The following ZNF385D variants were observed in gnomAD, a reference collection of about 807,000 sequenced individuals.
ZNF385D encodes zinc finger protein 385D.
A neutral mutation model predicts 35.8 loss-of-function variants in ZNF385D; 15 were observed. The ratio of observed to expected loss-of-function variants is 0.42; its 90% CI spans 0.28 to 0.64. ZNF385D has a LOEUF of 0.64. ZNF385D is among the 30% of genes least tolerant of loss of function. The pLI is 0.23. For missense variants in ZNF385D, 474 were observed against 494.6 expected, an observed-to-expected ratio of 0.96 and a Z score of 0.39; for synonymous variants, 212 against 186.8, an observed-to-expected ratio of 1.13 and a Z score of -1.10.
intron 3 of ZNF385D, among the ~76,000 whole-genome samples, chr3:21,927,249 C>A (rs891848882): frequency 6.6e-6 from 1 of 151,756 alleles, no homozygotes; most frequent in Non-Finnish European, 1.5e-5. Context: ...GTATAGCTTG[C>A]AGAACCATGA....
intron 3 of ZNF385D, among the ~76,000 whole-genome samples, chr3:21,835,375 T>G (rs576685008): frequency 6.6e-6 from 1 of 151,822 alleles, no homozygotes. Context: ...TTAGGATGAG[T>G]TTTCCCTCCA....
intron 3 of ZNF385D, among the ~76,000 whole-genome samples, chr3:22,063,953 T>C (rs972721870): frequency 3.3e-5 from 5 of 152,206 alleles, no homozygotes; most frequent in Non-Finnish European, 5.9e-5. Flanking sequence ...AACCCACAGT[T>C]ATTAATCCTG....
At chr3:21,575,276 G>A (rs1287698261) in intron 2 of ZNF385D, among the ~76,000 whole-genome samples, 1 of 152,148 alleles carries the variant, frequency 6.6e-6, no homozygotes, top group Non-Finnish European at 1.5e-5. Flanking sequence ...GTGCAGGGTG[G>A]AGGTGGGAGG....
Position 22,193,218 on chromosome 3 carries a change from C to A in ZNF385D, c.107-24183G>T, listed in dbSNP as rs547445296. ...TTTGACACCTTCCTTCCATATTTCC[C>A]CTCCAGGCAGAATAAACTCTTTCAC... On this transcript the variant is annotated intron_variant, in intron 2 of 5. Transcript: ENST00000494108. Among the ~76,000 whole-genome samples the A allele has an allele frequency of 2.6e-5, 4 of 152,170 alleles. No homozygotes were observed. The South Asian group carries it at 6.2e-4, about 24-fold the overall frequency.
intron 3 of ZNF385D, among the ~76,000 whole-genome samples, chr3:22,088,511 G>T (rs2125596764): frequency 6.6e-6 from 1 of 152,230 alleles, no homozygotes; most frequent in Admixed American, 6.5e-5. Flanking sequence ...CTCCCAGTTT[G>T]CAATCATCTG....
intron 2 of ZNF385D, among the ~76,000 whole-genome samples, chr3:22,358,538 G>A (rs939722834): frequency 3.3e-5 from 5 of 151,766 alleles, no homozygotes; most frequent in Non-Finnish European, 7.4e-5. Context: ...TTGATGAAAT[G>A]TTTAGGCAGC....
chr3:21,870,637 T>C (rs1697638968), intron 3 of ZNF385D, among the ~76,000 whole-genome samples: 1 of 152,266 alleles, frequency 6.6e-6, no homozygotes, highest in African/African-American at 2.4e-5. Context: ...GCAAACCTTG[T>C]ATTCAAATGG....
intron 3 of ZNF385D, among the ~76,000 whole-genome samples, chr3:21,775,716 C>T (rs762282875): frequency 5.3e-5 from 8 of 151,694 alleles, no homozygotes; most frequent in South Asian, 2.1e-4. Flanking sequence ...ACAAAGTATT[C>T]GATGACAGGA....
intron 3 of ZNF385D, among the ~76,000 whole-genome samples, chr3:22,037,317 C>G (rs1698388747): frequency 6.8e-6 from 1 of 147,240 alleles, no homozygotes; most frequent in Admixed American, 7.0e-5. Flanking sequence ...AACTAGTTTA[C>G]AGTCCCACCA....
intron 2 of ZNF385D, among the ~76,000 whole-genome samples, chr3:22,280,090 T>C (rs1701659185): frequency 6.6e-6 from 1 of 152,090 alleles, no homozygotes; most frequent in Non-Finnish European, 1.5e-5. Flanking sequence ...CTTTTGTGAA[T>C]TGTCTATTCA....
chr3:22,316,928 G>A (rs543722630), intron 2 of ZNF385D, among the ~76,000 whole-genome samples: 1 of 151,934 alleles, frequency 6.6e-6, no homozygotes, highest in African/African-American at 2.4e-5. Flanking sequence ...CCAAGTGCAG[G>A]AAGGGGCTCA....
intron 4 of ZNF385D, among the ~76,000 whole-genome samples, chr3:21,450,150 G>A (rs364592): frequency 0.94 from 142,956 of 152,198 alleles, 67,159 homozygotes; most frequent in East Asian, 1. Flanking sequence ...TATTGAGGAG[G>A]GTGCTCATGG....
At chr3:22,310,526 T>C (rs1424475106) in intron 2 of ZNF385D, among the ~76,000 whole-genome samples, 2 of 152,006 alleles carry the variant, frequency 1.3e-5, no homozygotes, top group Non-Finnish European at 2.9e-5. Context: ...GTTAATCCCA[T>C]GGTTTCATTG....
chr3:22,066,426 G>A (rs947134112), intron 3 of ZNF385D, among the ~76,000 whole-genome samples: 2 of 145,672 alleles, frequency 1.4e-5, no homozygotes, highest in South Asian at 4.4e-4. Flanking sequence ...GTGTCTGCGT[G>A]TATAAGTAAA....
chr3:21,952,235 G>C (rs912491375), intron 3 of ZNF385D, among the ~76,000 whole-genome samples: 2 of 151,886 alleles, frequency 1.3e-5, no homozygotes, highest in Admixed American at 1.3e-4. Flanking sequence ...TTTTCTCACT[G>C]ATCTGTATTT....
intron 3 of ZNF385D, among the ~76,000 whole-genome samples, chr3:22,065,459 T>A (rs902600909): frequency 6.6e-6 from 1 of 151,460 alleles, no homozygotes; most frequent in South Asian, 2.1e-4. Flanking sequence ...AATGGCAGGG[T>A]AGGGGCAACA....
intron 2 of ZNF385D, among the ~76,000 whole-genome samples, chr3:21,593,360 T>C (rs976650818): frequency 1.3e-5 from 2 of 152,174 alleles, no homozygotes; most frequent in Non-Finnish European, 2.9e-5. Context: ...TCTTTTTTTC[T>C]TTCCGTCTTT....
At chr3:21,514,374 C>T (rs551424144) in intron 3 of ZNF385D, among the ~76,000 whole-genome samples, 7 of 152,212 alleles carry the variant, frequency 4.6e-5, no homozygotes, top group African/African-American at 9.6e-5. Flanking sequence ...TACATATGGA[C>T]GTGAGCAAAA....
intron 3 of ZNF385D, among the ~76,000 whole-genome samples, chr3:21,517,007 A>G (rs1368617489): frequency 6.6e-6 from 1 of 151,922 alleles, no homozygotes; most frequent in Non-Finnish European, 1.5e-5. Flanking sequence ...TTTAGCTTAG[A>G]TTATTTCAGA....
Sources: gnomAD v4.1 joint callset for allele counts (sites outside exome capture counted in the v4.1 genomes callset) on GRCh38, gnomAD v4.1.1 for gene constraint, MANE v1.5 for transcripts, NCBI Gene and HGNC (gene_info 2026-07-23, HGNC 2026-07-21) for gene names.